Variants in XPNPEP1 observed in about 807,000 individuals in gnomAD.
XPNPEP1 encodes xaa-Pro aminopeptidase 1.
XPNPEP1 carries 39 observed loss-of-function variants against 92.4 expected under a neutral mutation model. The observed-to-expected ratio is 0.42, with a 90% CI of 0.33 to 0.55. XPNPEP1 has a LOEUF of 0.55. Ranked by LOEUF, XPNPEP1 falls within the 20% of genes least tolerant of loss-of-function variation. XPNPEP1 has a pLI of 0.08. For missense variants in XPNPEP1, 654 were observed against 856.1 expected, an observed-to-expected ratio of 0.76 and a Z score of 2.95; for synonymous variants, 307 against 299.4, an observed-to-expected ratio of 1.03 and a Z score of -0.26.
chr10:109,876,085 A>G (rs1180319675), intron 14 of XPNPEP1: 1 of 153,050 alleles, frequency 6.5e-6, no homozygotes, highest in African/African-American at 2.4e-5. Flanking sequence ...CTCGCTCCCC[A>G]GACTGCTAGA....
chr10:109,882,332 TC>T, intron 10 of XPNPEP1, 99 bp downstream of exon 10: 2 of 1,397,394 alleles, frequency 1.4e-6, no homozygotes, highest in Non-Finnish European at 2.0e-6. Context: ...ACAGTTCTGA[TC>T]CAACAGGCAG....
At chr10:109,879,590 A>G (rs1358219600) in intron 12 of XPNPEP1, among the ~76,000 whole-genome samples, 1 of 152,126 alleles carries the variant, frequency 6.6e-6, no homozygotes, top group South Asian at 2.1e-4. Flanking sequence ...ATAAAATAAA[A>G]TAATAATAAT....
At chr10:109,903,133 G>A (rs1849374717) in intron 3 of XPNPEP1, among the ~76,000 whole-genome samples, 1 of 152,220 alleles carries the variant, frequency 6.6e-6, no homozygotes, top group Admixed American at 6.5e-5. Flanking sequence ...TCTCCTACTA[G>A]TAAACACACA....
chr10:109,878,840 A>G (rs1316176549), intron 12 of XPNPEP1, among the ~76,000 whole-genome samples: 1 of 150,930 alleles, frequency 6.6e-6, no homozygotes, highest in African/African-American at 2.4e-5. Flanking sequence ...TCACACCACT[A>G]CTCTCCAGCC....
chr10:109,880,776 G>C, intron 11 of XPNPEP1, 66 bp downstream of exon 11: 4 of 1,486,898 alleles, frequency 2.7e-6, no homozygotes, highest in Non-Finnish European at 3.7e-6. Context: ...TGCCACAGAG[G>C]AGGTGAAGGA....
intron 3 of XPNPEP1, among the ~76,000 whole-genome samples, chr10:109,901,327 T>G (rs1849279268): frequency 6.6e-6 from 1 of 151,406 alleles, no homozygotes; most frequent in Non-Finnish European, 1.5e-5. Flanking sequence ...AGTTAATGGG[T>G]GCAGCACACC....
chr10:109,889,175 C>T (rs938322891), intron 5 of XPNPEP1, among the ~76,000 whole-genome samples: 1 of 152,222 alleles, frequency 6.6e-6, no homozygotes, highest in Non-Finnish European at 1.5e-5. Flanking sequence ...TTAAGAGAGG[C>T]ACACAGGCAC....
intron 3 of XPNPEP1, among the ~76,000 whole-genome samples, chr10:109,895,643 G>A (rs1848947348): frequency 1.3e-5 from 2 of 152,258 alleles, no homozygotes; most frequent in African/African-American, 4.8e-5. Flanking sequence ...CAGGCATGAA[G>A]CTGGCAACGC....
intron 2 of XPNPEP1, among the ~76,000 whole-genome samples, chr10:109,910,449 C>G (rs1308748463): frequency 4.6e-5 from 7 of 151,082 alleles, no homozygotes. Context: ...GAGGCTGAGG[C>G]AGGAGAATTG....
intron 3 of XPNPEP1, among the ~76,000 whole-genome samples, chr10:109,904,614 G>A (rs1203373962): frequency 6.6e-6 from 1 of 152,114 alleles, no homozygotes; most frequent in Admixed American, 6.6e-5. Context: ...ACTCATTGGG[G>A]CAAAGGACTT....
At chr10:109,914,120 T>C (rs1850038500) in intron 2 of XPNPEP1, among the ~76,000 whole-genome samples, 1 of 150,902 alleles carries the variant, frequency 6.6e-6, no homozygotes, top group African/African-American at 2.4e-5. Context: ...TCCTTAGTAG[T>C]CGTTAGAGCA....
chr10:109,886,313 G>T lies in XPNPEP1; in HGVS notation c.681C>A (p.Asp227Glu). The part of the protein sequence containing the change: ...TGISWKDKVA[D>E]LRLKMAERNV... ...TCCTCTCAGCCATTTTCAACCGAAG[G>T]TCTGCAACCTTGTCCTTCCAGGAGA... is the stretch of plus-strand genomic sequence containing the variant. The change falls in exon 8 of 21, where the codon GAC becomes GAA. Residue 227 changes from aspartate (D) to glutamate (E), a missense_variant. Transcript: ENST00000502935. 6.2e-7 allele frequency: 1 copy of T among 1,614,180 alleles called. No homozygotes were observed. Among genetic ancestry groups the T allele is most frequent in the African/African-American group, 1.3e-5 (1 of 75,048 alleles).
chr10:109,920,954 A>G (rs567796869), intron 1 of XPNPEP1, among the ~76,000 whole-genome samples: 2 of 152,320 alleles, frequency 1.3e-5, no homozygotes, highest in Admixed American at 1.3e-4. Context: ...ACCAGAAACT[A>G]GGTCTGACAG....
intron 14 of XPNPEP1, 136 bp downstream of exon 14, chr10:109,877,654 T>C (rs1215245599): frequency 1.8e-6 from 2 of 1,103,082 alleles, no homozygotes; most frequent in Non-Finnish European, 1.3e-6. Flanking sequence ...AGAAGTCTTA[T>C]TTCCCTTCAT....
chr10:109,882,384 TGGGAAGG>T, intron 10 of XPNPEP1, 41 bp downstream of exon 10: 2 of 1,587,408 alleles, frequency 1.3e-6, no homozygotes, highest in Non-Finnish European at 1.7e-6. Context: ...ATACCAGAAC[TGGGAAGG>T]GGGTGGCAGA....
chr10:109,874,389 C>T (rs778837045), intron 15 of XPNPEP1, among the ~76,000 whole-genome samples: 25 of 152,146 alleles, frequency 1.6e-4, no homozygotes, highest in Non-Finnish European at 3.5e-4. Flanking sequence ...TGGACAGAGA[C>T]CCTAAAAATA....
At chr10:109,881,706 A>G (rs985263348) in intron 10 of XPNPEP1, among the ~76,000 whole-genome samples, 1 of 152,196 alleles carries the variant, frequency 6.6e-6, no homozygotes, top group African/African-American at 2.4e-5. Flanking sequence ...GCCAAAGGCC[A>G]CTTGGCAGCC....
At chr10:109,917,223 A>T (rs1447950184) in intron 1 of XPNPEP1, among the ~76,000 whole-genome samples, 2 of 152,210 alleles carry the variant, frequency 1.3e-5, no homozygotes, top group Non-Finnish European at 2.9e-5. Flanking sequence ...CATAATCTTG[A>T]ATACAGAAAA....
intron 19 of XPNPEP1, 101 bp downstream of exon 19, chr10:109,869,852 T>A: frequency 8.1e-7 from 1 of 1,240,574 alleles, no homozygotes; most frequent in Non-Finnish European, 1.1e-6. Flanking sequence ...AACAGGAAAA[T>A]TTTTAAGCTT....
Sources: gnomAD v4.1 joint callset for allele counts (sites outside exome capture counted in the v4.1 genomes callset) on GRCh38, gnomAD v4.1.1 for gene constraint, MANE v1.5 for transcripts, NCBI Gene and HGNC (gene_info 2026-07-23, HGNC 2026-07-21) for gene names.